Variants in ADK observed in about 807,000 individuals in gnomAD.
ADK encodes the protein adenosine kinase, also known as N6,N6-dimethyladenosine kinase.
ADK carries 24 observed loss-of-function variants against 44.7 expected under a neutral mutation model. The ratio of observed to expected loss-of-function variants is 0.54; its 90% CI spans 0.39 to 0.76. The LOEUF (loss-of-function observed/expected upper bound fraction) is 0.76, where lower values mean the gene tolerates loss of function less well. Ranked by LOEUF, ADK falls within the 30% of genes least tolerant of loss-of-function variation. ADK has a pLI of 0.00. For synonymous variants in ADK, 128 were observed against 142.6 expected (o/e 0.90, Z 0.73); for missense variants, 321 against 425.1 (o/e 0.76, Z 2.15).
At chr10:74,570,341 T>C (rs1231830408) in intron 7 of ADK, among the ~76,000 whole-genome samples, 1 of 152,236 alleles carries the variant, frequency 6.6e-6, no homozygotes, top group African/African-American at 2.4e-5. Context: ...GGGGATGGCA[T>C]TGAATCTATA....
At chr10:74,408,834 G>A (rs1844060500) in intron 6 of ADK, among the ~76,000 whole-genome samples, 1 of 152,144 alleles carries the variant, frequency 6.6e-6, no homozygotes, top group African/African-American at 2.4e-5. Context: ...TGTTGAGTGG[G>A]CTGAGGAGGG....
chr10:74,152,151 GA>G, intron 1 of ADK, among the ~76,000 whole-genome samples: 1 of 152,124 alleles, frequency 6.6e-6, no homozygotes, highest in East Asian at 1.9e-4. Context: ...AAACTATTAG[GA>G]CACTCCTGAT....
intron 3 of ADK, among the ~76,000 whole-genome samples, chr10:74,312,713 C>T (rs1378955252): frequency 6.7e-6 from 1 of 148,880 alleles, no homozygotes; most frequent in Admixed American, 6.7e-5. Flanking sequence ...TCGAGATCTG[C>T]TGGGCAACAT....
At chr10:74,550,261 G>A (rs1849984418) in intron 7 of ADK, among the ~76,000 whole-genome samples, 1 of 151,962 alleles carries the variant, frequency 6.6e-6, no homozygotes, top group Non-Finnish European at 1.5e-5. Flanking sequence ...AGTAGAGACA[G>A]GGTTTCACTG....
At chr10:74,553,420 C>G (rs1425095658) in intron 7 of ADK, among the ~76,000 whole-genome samples, 1 of 151,754 alleles carries the variant, frequency 6.6e-6, no homozygotes, top group Admixed American at 6.6e-5. Flanking sequence ...AGGATGGTCT[C>G]GATCTCTTGA....
At chr10:74,445,370 CATTTATAACTAAGTGGCAATTATTATA>C (rs1425816735) in intron 6 of ADK, among the ~76,000 whole-genome samples, 2 of 151,822 alleles carry the variant, frequency 1.3e-5, no homozygotes, top group African/African-American at 2.4e-5. Context: ...AGGATTTTTC[CATTTATAACTAAGTGGCAATTATTATA>C]TCATTTTTAT....
rs957632811 is a variant in ADK at position 74,176,950 on chromosome 10, A to C, written c.66-23814A>C. 3.8e-6 allele frequency: 6 copies of C among 1,598,028 alleles called. No homozygotes were observed. In the African/African-American group the frequency reaches 8.0e-5, roughly 21 times the overall value. On this transcript the variant is annotated intron_variant, in intron 1 of 10. Coordinates refer to ENST00000539909, the MANE Select transcript of ADK (RefSeq NM_006721.4). ...GCGTTAGCCTCCCGAGCGCGTGAGC[A>C]CTGTCGCTCCTTCTCGCGGGTGGTC...
At position 74,352,011 on chromosome 10, in the gene ADK, A is replaced by G. The variant is rs1205859994; in HGVS notation, c.273+37266A>G. On this transcript the variant is annotated intron_variant, in intron 4 of 10. Transcript: ENST00000539909. ...ATTGCCCAAAATAATGTATAGATCCAATGCTATTCCCATCAAGCTTCCATT... is the reference window on the plus strand; with the variant it reads ...ATTGCCCAAAATAATGTATAGATCCGATGCTATTCCCATCAAGCTTCCATT... 2.6e-5 allele frequency among the ~76,000 whole-genome samples: 4 copies of G among 152,184 alleles called. No individual in the cohort carries two copies. The South Asian group carries it at 6.2e-4, about 24-fold the overall frequency.
chr10:74,323,862 T>G (rs546875739), intron 4 of ADK, among the ~76,000 whole-genome samples: 168 of 151,792 alleles, frequency 1.1e-3, no homozygotes, highest in African/African-American at 3.9e-3. Flanking sequence ...GAGCCACCGC[T>G]CCCGGCCCCA....
chr10:74,534,237 A>T (rs1159466891), intron 7 of ADK, among the ~76,000 whole-genome samples: 2 of 152,342 alleles, frequency 1.3e-5, no homozygotes, highest in East Asian at 3.9e-4. Flanking sequence ...CTAATTAAAC[A>T]CTTTTAGTTT....
chr10:74,708,244 T>C (rs75904481), intron 10 of ADK, 77 bp from the exon 11 acceptor site: 6 of 1,441,522 alleles, frequency 4.2e-6, no homozygotes, highest in African/African-American at 1.4e-5. Context: ...GCTTAGATCA[T>C]ATATTGGTCT....
At chr10:74,608,797 A>G (rs188914806) in intron 9 of ADK, among the ~76,000 whole-genome samples, 37 of 152,220 alleles carry the variant, frequency 2.4e-4, no homozygotes, top group Admixed American at 2.3e-3. Flanking sequence ...TAGGCAGGAA[A>G]GTTTAAGTGC....
At chr10:74,384,557 C>G (rs1018096756) in intron 4 of ADK, among the ~76,000 whole-genome samples, 1 of 152,088 alleles carries the variant, frequency 6.6e-6, no homozygotes, top group Non-Finnish European at 1.5e-5. Flanking sequence ...GTAATCCCAG[C>G]TACTCAGGAG....
chr10:74,517,381 T>C (rs1848627851), intron 6 of ADK, among the ~76,000 whole-genome samples: 1 of 152,062 alleles, frequency 6.6e-6, no homozygotes, highest in African/African-American at 2.4e-5. Flanking sequence ...GTTGGGAGTA[T>C]TTTAATCCTT....
At chr10:74,270,664 G>A (rs1463138733) in intron 3 of ADK, among the ~76,000 whole-genome samples, 1 of 152,192 alleles carries the variant, frequency 6.6e-6, no homozygotes, top group Non-Finnish European at 1.5e-5. Context: ...GCAATTGAAC[G>A]TAAGTACAGT....
chr10:74,502,340 A>G (rs539336446), intron 6 of ADK, among the ~76,000 whole-genome samples: 1 of 152,252 alleles, frequency 6.6e-6, no homozygotes, highest in Admixed American at 6.5e-5. Flanking sequence ...TTTGTGCCAC[A>G]TATAAGAAAT....
At chr10:74,423,006 A>T (rs1017627094) in intron 6 of ADK, among the ~76,000 whole-genome samples, 2 of 152,094 alleles carry the variant, frequency 1.3e-5, no homozygotes, top group Non-Finnish European at 1.5e-5. Flanking sequence ...TGAACCCAAG[A>T]CCACGCCAAA....
At chr10:74,176,366 C>A in intron 1 of ADK, 2 of 756,348 alleles carry the variant, frequency 2.6e-6, no homozygotes, top group Non-Finnish European at 3.2e-6. Context: ...ATTTTGCAGG[C>A]TGTTAAATCC....
chr10:74,218,274 G>C (rs1020540954), intron 2 of ADK, among the ~76,000 whole-genome samples: 12 of 152,118 alleles, frequency 7.9e-5, no homozygotes. Context: ...TATCAGCAAT[G>C]GAAGATGAAA....
Sources: allele counts gnomAD v4.1 joint callset (sites outside exome capture counted in the v4.1 genomes callset), GRCh38; gene constraint gnomAD v4.1.1; transcripts MANE v1.5; gene names NCBI Gene and HGNC (gene_info 2026-07-23, HGNC 2026-07-21).